The following ABL1 variants were observed in gnomAD, a reference collection of about 807,000 sequenced individuals.
The protein encoded by ABL1 is ABL proto-oncogene 1, non-receptor tyrosine kinase.
In ABL1, 11 loss-of-function variants were observed where a neutral mutation model predicts 94.7. The observed-to-expected ratio is 0.12, with a 90% CI of 0.07 to 0.19. The LOEUF (loss-of-function observed/expected upper bound fraction) is 0.19. ABL1 is among the 10% of genes least tolerant of loss of function. ABL1 has a pLI of 1.00. For missense variants in ABL1, 1,082 were observed against 1,489.4 expected, an observed-to-expected ratio of 0.73 and a Z score of 4.50; for synonymous variants, 656 against 622.4, an observed-to-expected ratio of 1.05 and a Z score of -0.80.
In ABL1 at chr9:130,872,877, C is replaced by T. The variant is rs2132996816; in HGVS notation, c.925C>T (p.Pro309Ser). ...VQLLGVCTRE[P>S]PFYIITEFMT... ...GTTGGCAGGGGTCTGCACCCGGGAG[C>T]CCCCGTTCTATATCATCACTGAGTT... is the stretch of plus-strand genomic sequence containing the variant. The change falls in exon 6 of 11, where the codon CCC (proline) becomes TCC (serine). Residue 309 changes from proline to serine, a missense_variant. Physicochemically the swap from Pro to Ser is moderately conservative, Grantham distance 74 (BLOSUM62 -1). This residue lies in a region of ABL1 where 92 missense variants were observed against 212.3 expected (regional missense o/e 0.43). Coordinates refer to ENST00000318560, the MANE Select transcript of ABL1 (RefSeq NM_005157.6). The surrounding 1 kb of genome is among the most constrained non-coding windows in gnomAD (Gnocchi z 5.0). The T allele has an allele frequency of 6.2e-7, 1 of 1,612,306 alleles. No individual in the cohort carries two copies. The highest frequency in any genetic ancestry group is 8.5e-7 in the Non-Finnish European group (1 of 1,178,562).
At chr9:130,743,954 G>A (rs1457122729) in intron 1 of ABL1, among the ~76,000 whole-genome samples, 1 of 152,148 alleles carries the variant, frequency 6.6e-6, no homozygotes. Flanking sequence ...GGGATTGGAA[G>A]CGGGTGTGTT....
chr9:130,799,577 A>G (rs1588243260), intron 1 of ABL1, among the ~76,000 whole-genome samples: 1 of 152,196 alleles, frequency 6.6e-6, no homozygotes, highest in East Asian at 1.9e-4. Context: ...TACGGATTAG[A>G]TAATGGCACT....
chr9:130,731,179 G>C (rs1307002583), intron 1 of ABL1, among the ~76,000 whole-genome samples: 2 of 151,068 alleles, frequency 1.3e-5, no homozygotes, highest in Non-Finnish European at 3.0e-5. Context: ...GCTAGTTTTT[G>C]TGTTTTTAAT....
intron 4 of ABL1, among the ~76,000 whole-genome samples, chr9:130,864,640 A>G (rs149386511): frequency 4.9e-4 from 75 of 152,372 alleles, no homozygotes; most frequent in Non-Finnish European, 5.9e-4. Flanking sequence ...TGAATGGGAC[A>G]GAGTTCTTCA....
Position 130,884,537 on chromosome 9 carries a change from G to A in ABL1, c.2247G>A (p.Ser749=), listed in dbSNP as rs535696830. 73 of 1,613,196 alleles carry A rather than the reference G, an allele frequency of 4.5e-5. No individual in the cohort carries two copies. Among genetic ancestry groups the A allele is most frequent in the East Asian group, 1.8e-4 (8 of 44,882 alleles). The change falls in exon 11 of 11, where the codon TCG becomes TCA. Residue 749 remains serine, a synonymous_variant. Transcript: ENST00000318560. This position sits in a 1 kb window ranked among gnomAD's most constrained non-coding sequence, Gnocchi z 5.6. The part of the protein sequence containing the change: ...DLQSTGRQFD[S]STFGGHKSEK... ...AGTCCACGGGAAGACAGTTTGACTCGTCCACATTTGGAGGGCACAAAAGTG... is the reference window on the plus strand; with the variant it reads ...AGTCCACGGGAAGACAGTTTGACTCATCCACATTTGGAGGGCACAAAAGTG...
chr9:130,732,834 C>A (rs574500930), intron 1 of ABL1, among the ~76,000 whole-genome samples: 1 of 151,824 alleles, frequency 6.6e-6, no homozygotes, highest in Non-Finnish European at 1.5e-5. Flanking sequence ...GCTAGCATGA[C>A]CTTTAAGTCC....
At chr9:130,773,225 A>C (rs1018368802) in intron 1 of ABL1, among the ~76,000 whole-genome samples, 1 of 152,220 alleles carries the variant, frequency 6.6e-6, no homozygotes, top group African/African-American at 2.4e-5. Flanking sequence ...AGGCTGAAGC[A>C]GGAGAATCAC....
chr9:130,875,396 G>T (rs897398705), intron 7 of ABL1, among the ~76,000 whole-genome samples: 2 of 151,852 alleles, frequency 1.3e-5, no homozygotes, highest in African/African-American at 4.8e-5. Flanking sequence ...GCCTGCCTTG[G>T]CCTCCCAAAG....
intron 1 of ABL1, among the ~76,000 whole-genome samples, chr9:130,829,375 C>T (rs898959152): frequency 2.6e-5 from 4 of 151,984 alleles, no homozygotes; most frequent in Admixed American, 6.5e-5. Context: ...CCTGGTGTAA[C>T]ACAGTGAAAC....
intron 1 of ABL1, among the ~76,000 whole-genome samples, chr9:130,781,953 G>T (rs961875949): frequency 2.6e-5 from 4 of 152,096 alleles, no homozygotes; most frequent in African/African-American, 9.7e-5. Context: ...ATACATGTAC[G>T]TATATACATC....
intron 3 of ABL1, among the ~76,000 whole-genome samples, chr9:130,860,155 A>T (rs1367165685): frequency 6.6e-6 from 1 of 152,170 alleles, no homozygotes; most frequent in Admixed American, 6.5e-5. Flanking sequence ...ATTCCTGATG[A>T]TTACACAGTT....
chr9:130,857,859 G>A (rs1159307835), intron 3 of ABL1, among the ~76,000 whole-genome samples: 1 of 152,094 alleles, frequency 6.6e-6, no homozygotes, highest in Non-Finnish European at 1.5e-5. Flanking sequence ...ACGTGGGCCT[G>A]TCAGCTTGCT....
chr9:130,752,532 C>T (rs1831979342), intron 1 of ABL1, among the ~76,000 whole-genome samples: 1 of 152,118 alleles, frequency 6.6e-6, no homozygotes, highest in South Asian at 2.1e-4. Flanking sequence ...TAGTGCCTGG[C>T]CCCAAAAAGC....
Position 130,849,572 on chromosome 9 carries a change from G to A in ABL1, c.80-4492G>A, listed in dbSNP as rs147619221. ...TCTCACTCTGTTGCCCAGGCAGAGTGCAGTGCCGCGACCTTGGCTCACTGC... is the reference window on the plus strand; with the variant it reads ...TCTCACTCTGTTGCCCAGGCAGAGTACAGTGCCGCGACCTTGGCTCACTGC... On this transcript the variant is annotated intron_variant, in intron 1 of 10. Transcript: ENST00000318560. Among the ~76,000 whole-genome samples the A allele has an allele frequency of 1.1e-3, 162 of 152,194 alleles. 1 individual carries two copies. The highest frequency in any genetic ancestry group is 3.7e-3 in the African/African-American group (153 of 41,522).
At chr9:130,873,483 A>C (rs895502400) in intron 6 of ABL1, among the ~76,000 whole-genome samples, 1 of 152,180 alleles carries the variant, frequency 6.6e-6, no homozygotes, top group Admixed American at 6.5e-5. Flanking sequence ...CAACCAGTAC[A>C]TGGCTTTTGT....
intron 8 of ABL1, among the ~76,000 whole-genome samples, chr9:130,879,088 G>A (rs1303122269): frequency 1.3e-5 from 2 of 152,028 alleles, no homozygotes; most frequent in Non-Finnish European, 2.9e-5. Flanking sequence ...TGTTAGTCAG[G>A]CTGGTCTCCA....
intron 1 of ABL1, among the ~76,000 whole-genome samples, chr9:130,820,494 G>C (rs761996988): frequency 2.0e-5 from 3 of 152,142 alleles, no homozygotes; most frequent in African/African-American, 7.2e-5. Flanking sequence ...ACCCAGTCTT[G>C]ATCATCTCAT....
intron 1 of ABL1, among the ~76,000 whole-genome samples, chr9:130,836,510 G>T (rs1023320254): frequency 2.0e-5 from 3 of 152,114 alleles, no homozygotes; most frequent in African/African-American, 7.2e-5. Context: ...CTTCTCTGTT[G>T]TTTTCAACTA....
intron 1 of ABL1, among the ~76,000 whole-genome samples, chr9:130,838,043 T>C (rs1830614871): frequency 6.6e-6 from 1 of 152,262 alleles, no homozygotes; most frequent in Non-Finnish European, 1.5e-5. Context: ...CTAGCAATTA[T>C]TAAATGCTTA....
Sources: gnomAD v4.1 joint callset for allele counts (sites outside exome capture counted in the v4.1 genomes callset) on GRCh38, gnomAD v4.1.1 for gene constraint, gnomAD v4.1.1 regional missense constraint, Gnocchi (gnomAD v3.1) non-coding constraint, MANE v1.5 for transcripts, NCBI Gene and HGNC (gene_info 2026-07-23, HGNC 2026-07-21) for gene names.